The following FGD5 variants were observed in gnomAD, a reference collection of about 807,000 sequenced individuals.
FGD5 encodes FYVE, RhoGEF and PH domain-containing protein 5.
In FGD5, 28 loss-of-function variants were observed where a neutral mutation model predicts 133.4. The ratio of observed to expected loss-of-function variants is 0.21; its 90% CI spans 0.16 to 0.29. The LOEUF (loss-of-function observed/expected upper bound fraction) is 0.29. Among genes scored for constraint, FGD5 ranks in the 10% least tolerant of loss-of-function variants. The pLI is 1.00. For synonymous variants in FGD5, 810 were observed against 776.5 expected (o/e 1.04, Z -0.72); for missense variants, 1,858 against 1,895.2 (o/e 0.98, Z 0.36).
chr3:14,886,519 C>T (rs1559493543), intron 4 of FGD5, among the ~76,000 whole-genome samples: 1 of 152,182 alleles, frequency 6.6e-6, no homozygotes, highest in Non-Finnish European at 1.5e-5. Context: ...GTGCCATGGC[C>T]AGACCCAAAG....
chr3:14,928,218 C>G (rs1455936966), intron 18 of FGD5, among the ~76,000 whole-genome samples: 2 of 148,632 alleles, frequency 1.3e-5, no homozygotes, highest in African/African-American at 2.4e-5. Flanking sequence ...GGATTACAGG[C>G]GTGAGCCACC....
intron 10 of FGD5, among the ~76,000 whole-genome samples, chr3:14,909,604 A>G (rs1406522940): frequency 1.3e-5 from 2 of 152,332 alleles, no homozygotes; most frequent in African/African-American, 4.8e-5. Context: ...GCAGCCACCC[A>G]CAGAGCAAAG....
At chr3:14,831,094 G>A (rs1376519669) in intron 1 of FGD5, among the ~76,000 whole-genome samples, 1 of 152,150 alleles carries the variant, frequency 6.6e-6, no homozygotes, top group Non-Finnish European at 1.5e-5. Context: ...AAGGGGAAGG[G>A]CATCCGAGGC....
intron 4 of FGD5, among the ~76,000 whole-genome samples, chr3:14,894,505 CTTTT>C (rs55912541): frequency 7.9e-6 from 1 of 127,222 alleles, no homozygotes; most frequent in Non-Finnish European, 1.7e-5. Flanking sequence ...TTTGTTAGTT[CTTTT>C]TTTTTTTTTT....
chr3:14,922,298 C>A lies in FGD5; in HGVS notation c.3670-113C>A. 1 of 1,444,150 alleles carries A rather than the reference C, an allele frequency of 6.9e-7. No individual in the cohort carries two copies. Among genetic ancestry groups the A allele is most frequent in the Non-Finnish European group, 9.4e-7 (1 of 1,066,780 alleles). The allele number at this position is 1,444,150 out of a possible 1,614,324, so 89.5% of individuals were successfully genotyped here. ...AGAGGCCTTTCACATCAGACCCACT[C>A]ACCCACACATCACACACCCTGCACA... On this transcript the variant is annotated intron_variant, in intron 14 of 19. Coordinates refer to ENST00000285046, the MANE Select transcript of FGD5 (RefSeq NM_152536.4). The surrounding 1 kb of genome is among the most constrained non-coding windows in gnomAD (Gnocchi z 4.1).
At chr3:14,888,465 G>T (rs1207616645) in intron 4 of FGD5, among the ~76,000 whole-genome samples, 1 of 152,154 alleles carries the variant, frequency 6.6e-6, no homozygotes, top group Admixed American at 6.5e-5. Context: ...AGGGCTAAAG[G>T]CCTCTGGCTA....
In FGD5 at chr3:14,819,655, T is replaced by C. The variant is rs764826436; in HGVS notation, c.584T>C (p.Leu195Pro). Residue 195 changes from leucine to proline, a missense_variant, in exon 1 of 20, where the codon CTC (leucine) becomes CCC (proline). Transcript: ENST00000285046. This position sits in a 1 kb window ranked among gnomAD's most constrained non-coding sequence, Gnocchi z 4.1. Reference sequence around the variant, plus strand: ...GAGGGGGTCTTCCAGAGCGACCTCCTCCTGCCTCACATCCATGGAGAGGAC... The same window carrying C: ...GAGGGGGTCTTCCAGAGCGACCTCCCCCTGCCTCACATCCATGGAGAGGAC... ...AGEGVFQSDL[L>P]LPHIHGEDQE... The C allele has an allele frequency of 3.7e-5, 58 of 1,548,654 alleles. No homozygotes were observed. Among genetic ancestry groups the C allele is most frequent in the Non-Finnish European group, 5.1e-5 (58 of 1,145,622 alleles).
At position 14,897,395 on chromosome 3, in the gene FGD5, C is replaced by A; in HGVS notation, c.2749-114C>A. On this transcript the variant is annotated intron_variant, in intron 4 of 19. Coordinates refer to ENST00000285046, the MANE Select transcript of FGD5 (RefSeq NM_152536.4). Reference sequence around the variant, plus strand: ...TGGGTCTGGAGACACTGGCTTAAGTCCTCACTGCTGTCTTCACAGAGGCCA... The same window carrying A: ...TGGGTCTGGAGACACTGGCTTAAGTACTCACTGCTGTCTTCACAGAGGCCA... 8.0e-6 allele frequency: 10 copies of A among 1,245,874 alleles called. No homozygotes were observed. In the South Asian group the frequency reaches 1.2e-4, roughly 16 times the overall value. The allele number at this position is 1,245,874 out of a possible 1,614,324, so 77.2% of individuals were successfully genotyped here.
At chr3:14,889,882 TC>T (rs1435780535) in intron 4 of FGD5, among the ~76,000 whole-genome samples, 5 of 152,188 alleles carry the variant, frequency 3.3e-5, no homozygotes, top group Admixed American at 1.3e-4. Flanking sequence ...AATTGAGGTA[TC>T]TTTTTTGTAT....
At chr3:14,912,990 T>G (rs1316238602) in intron 11 of FGD5, among the ~76,000 whole-genome samples, 3 of 151,980 alleles carry the variant, frequency 2.0e-5, no homozygotes, top group African/African-American at 7.2e-5. Context: ...GAGCTCAGAT[T>G]GCGCCATTAC....
chr3:14,821,473 C>T lies in FGD5; in HGVS notation c.2402C>T (p.Thr801Met), dbSNP rs375315608. ...PRRPARAGAF[T>M]KLFEDQSRAL... is the part of the protein sequence containing the mutation. ...AGACCTGCCAGGGCTGGCGCGTTCA[C>T]GAAGCTGTTTGAAGATCAGAGCAGA... Residue 801 changes from threonine (T) to methionine (M), a missense_variant, in exon 1 of 20, where the codon ACG becomes ATG. By Grantham distance (81) the Thr-to-Met change is moderately conservative (BLOSUM62 -1). Transcript: ENST00000285046. The T allele has an allele frequency of 2.5e-5, 40 of 1,613,988 alleles. No individual in the cohort carries two copies. Among genetic ancestry groups the T allele is most frequent in the Admixed American group, 1.3e-4 (8 of 60,022 alleles).
chr3:14,828,248 C>G (rs1056078923), intron 1 of FGD5, among the ~76,000 whole-genome samples: 1 of 152,076 alleles, frequency 6.6e-6, no homozygotes, highest in African/African-American at 2.4e-5. Context: ...GGCCCAGGAC[C>G]CAAAGAGTAG....
intron 4 of FGD5, among the ~76,000 whole-genome samples, chr3:14,892,068 G>T (rs903014239): frequency 1.3e-5 from 2 of 151,974 alleles, no homozygotes; most frequent in African/African-American, 2.4e-5. Flanking sequence ...TTCCCCTGCA[G>T]GGAGGGGTAG....
chr3:14,930,061 T>G (rs1171088115), intron 18 of FGD5, among the ~76,000 whole-genome samples: 2 of 152,248 alleles, frequency 1.3e-5, no homozygotes, highest in Non-Finnish European at 2.9e-5. Flanking sequence ...TTTTTTTCAT[T>G]ATGGATATCC....
At position 14,877,382 on chromosome 3, in the gene FGD5, G is replaced by T. The variant is rs1417017271; in HGVS notation, c.2659-3190G>T. Among the ~76,000 whole-genome samples, 3 of 152,232 alleles carry T rather than the reference G, an allele frequency of 2.0e-5. No individual in the cohort carries two copies. The South Asian group carries it at 6.2e-4, about 31-fold the overall frequency. ...GGGGCTGGGTGGGACGTGCAGAGGG[G>T]CCCGTGTCTGGACCCTACCAAAAGC... On this transcript the variant is annotated intron_variant, in intron 2 of 19. Coordinates refer to ENST00000285046, the MANE Select transcript of FGD5 (RefSeq NM_152536.4).
At position 14,917,384 on chromosome 3, in the gene FGD5, G is replaced by C; in HGVS notation, c.3489+52G>C. On this transcript the variant is annotated intron_variant, in intron 12 of 19. Coordinates refer to ENST00000285046, the MANE Select transcript of FGD5 (RefSeq NM_152536.4). The surrounding 1 kb of genome is among the most constrained non-coding windows in gnomAD (Gnocchi z 4.1). ...GGGTTGGGGGACAGGGAGACCCCAG[G>C]GGAGAAGGGGACAGCATCCTGCTCC... The C allele has an allele frequency of 2.0e-6, 3 of 1,522,292 alleles. No homozygotes were observed. Among genetic ancestry groups the C allele is most frequent in the Non-Finnish European group, 2.7e-6 (3 of 1,111,828 alleles). The allele number at this position is 1,522,292 out of a possible 1,614,324, so 94.3% of individuals were successfully genotyped here.
intron 4 of FGD5, among the ~76,000 whole-genome samples, chr3:14,891,558 G>C (rs1001035180): frequency 4.6e-5 from 7 of 152,198 alleles, no homozygotes; most frequent in Non-Finnish European, 1.0e-4. Context: ...CCAAGACCTT[G>C]AATTGTGCTG....
intron 4 of FGD5, among the ~76,000 whole-genome samples, chr3:14,893,752 C>CTTTTTTTTTTTTTTTTTTTTTTTTT (rs138741627): frequency 2.4e-4 from 23 of 95,058 alleles, no homozygotes; most frequent in Admixed American, 2.9e-4. Context: ...TTTCTTTTTT[C>CTTTTTTTTTTTTTTTTTTTTTTTTT]TTTTTTTTTT....
intron 4 of FGD5, among the ~76,000 whole-genome samples, chr3:14,881,442 C>T (rs2037822933): frequency 6.6e-6 from 1 of 152,174 alleles, no homozygotes; most frequent in Non-Finnish European, 1.5e-5. Flanking sequence ...CAGGGCCCTT[C>T]CCCAGGAGCT....
Sources: allele counts gnomAD v4.1 joint callset (sites outside exome capture counted in the v4.1 genomes callset), GRCh38; gene constraint gnomAD v4.1.1; non-coding constraint Gnocchi (gnomAD v3.1); transcripts MANE v1.5; gene names NCBI Gene and HGNC (gene_info 2026-07-23, HGNC 2026-07-21).